The following CYP27A1 variants were observed in gnomAD, a reference collection of about 807,000 sequenced individuals.
CYP27A1 encodes the protein sterol 26-hydroxylase, mitochondrial.
In CYP27A1, 46 loss-of-function variants were observed where a neutral mutation model predicts 58.2. The observed-to-expected ratio is 0.79, with a 90% confidence interval of 0.62 to 1.01. CYP27A1 has a LOEUF of 1.01. Ranked by LOEUF, CYP27A1 falls within the 50% of genes least tolerant of loss-of-function variation. CYP27A1 has a pLI of 0.00. For synonymous variants in CYP27A1, 274 were observed against 285.1 expected (o/e 0.96, Z 0.39); for missense variants, 704 against 687.0 (o/e 1.02, Z -0.28).
rs372194079 is a variant in CYP27A1, at chr2:218,814,031, C to T, written c.1028C>T (p.Thr343Met). The T allele has an allele frequency of 6.1e-5, 99 of 1,614,222 alleles. No individual in the cohort carries two copies. In the Admixed American group the frequency reaches 7.5e-4, roughly 12 times the overall value. ...CACTCTATCTTCTAGACATCCAACA[C>T]GCTGACATGGGCCCTGTACCACCTC... ...LMAGVDTTSN[T>M]LTWALYHLSK... The change falls in exon 6 of 9, where the codon ACG (threonine) becomes ATG (methionine). Residue 343 changes from threonine (T) to methionine (M), a missense_variant. Thr to Met is a moderately conservative substitution (Grantham distance 81). Transcript: ENST00000258415.
At chr2:218,794,735 A>G (rs1295422503) in intron 1 of CYP27A1, among the ~76,000 whole-genome samples, 3 of 152,166 alleles carry the variant, frequency 2.0e-5, no homozygotes, top group African/African-American at 7.2e-5. Flanking sequence ...CAGAGCCACA[A>G]TTACCTATCA....
chr2:218,784,030 G>A (rs116703808), intron 1 of CYP27A1, among the ~76,000 whole-genome samples: 1 of 152,120 alleles, frequency 6.6e-6, no homozygotes, highest in South Asian at 2.1e-4. Context: ...GGTGATGAAG[G>A]CTCAGGCGTG....
At chr2:218,803,561 C>G (rs1943620782) in intron 1 of CYP27A1, among the ~76,000 whole-genome samples, 1 of 151,894 alleles carries the variant, frequency 6.6e-6, no homozygotes, top group Non-Finnish European at 1.5e-5. Context: ...GTAGCTGGGA[C>G]TACAGGCACA....
intron 5 of CYP27A1, among the ~76,000 whole-genome samples, chr2:218,813,343 TG>T (rs1478666086): frequency 6.6e-6 from 1 of 152,232 alleles, no homozygotes; most frequent in Non-Finnish European, 1.5e-5. Context: ...CTCTGACAGC[TG>T]GGAAGTACAT....
At position 218,812,280 on chromosome 2, in the gene CYP27A1, G is replaced by C. The variant is rs1404271409; in HGVS notation, c.505G>C (p.Ala169Pro). 1.2e-6 allele frequency: 2 copies of C among 1,614,246 alleles called. No individual in the cohort carries two copies. The highest frequency in any genetic ancestry group is 8.5e-7 in the Non-Finnish European group (1 of 1,180,034). ...TCTGAACCAGCGGTTGCTGAAGCCAGCGGAAGCAGCGCTCTATACGGATGC... is the reference window on the plus strand; with the variant it reads ...TCTGAACCAGCGGTTGCTGAAGCCACCGGAAGCAGCGCTCTATACGGATGC... ...QALNQRLLKP[A>P]EAALYTDAFN... Residue 169 changes from alanine (A) to proline (P), a missense_variant, in exon 3 of 9, where the codon GCG becomes CCG. By Grantham distance (27) the Ala-to-Pro change is conservative. Transcript: ENST00000258415.
chr2:218,812,098 C>A, intron 2 of CYP27A1, 124 bp from the exon 3 acceptor site: 1 of 737,410 alleles, frequency 1.4e-6, no homozygotes, highest in Non-Finnish European at 2.4e-6. Context: ...ATTCTAAATT[C>A]TAGGAGTATG....
chr2:218,792,016 G>A (rs1418164166), intron 1 of CYP27A1, among the ~76,000 whole-genome samples: 1 of 151,930 alleles, frequency 6.6e-6, no homozygotes, highest in African/African-American at 2.4e-5. Context: ...ATATGGGTTT[G>A]ACAAACCAAA....
At chr2:218,802,181 T>TCC (rs1378755051) in intron 1 of CYP27A1, among the ~76,000 whole-genome samples, 1 of 152,060 alleles carries the variant, frequency 6.6e-6, no homozygotes, top group African/African-American at 2.4e-5. Context: ...CCCTAGCCAA[T>TCC]AGGGGAACGA....
At chr2:218,800,001 A>T (rs1406337760) in intron 1 of CYP27A1, among the ~76,000 whole-genome samples, 1 of 152,158 alleles carries the variant, frequency 6.6e-6, no homozygotes, top group Non-Finnish European at 1.5e-5. Context: ...GACGGGGGTA[A>T]GATCTTGCCA....
In CYP27A1 at chr2:218,812,638, G is replaced by C. The variant is rs746666035; in HGVS notation, c.733G>C (p.Gly245Arg). The change falls in exon 4 of 9, where the codon GGG becomes CGG. Residue 245 changes from glycine to arginine, a missense_variant. Transcript: ENST00000258415. ...CACCGTGACCTTCGTCAGATCCATC[G>C]GGTTAATGTTCCAGAACTCACTCTA... is the stretch of plus-strand genomic sequence containing the variant. ...EDTVTFVRSI[G>R]LMFQNSLYAT... The C allele has an allele frequency of 1.2e-6, 2 of 1,614,162 alleles. No individual in the cohort carries two copies. The highest frequency in any genetic ancestry group is 1.7e-6 in the Non-Finnish European group (2 of 1,180,034).
chr2:218,800,525 G>A (rs976716395), intron 1 of CYP27A1, among the ~76,000 whole-genome samples: 10 of 152,144 alleles, frequency 6.6e-5, no homozygotes, highest in South Asian at 2.1e-4. Context: ...TATGAGTTAC[G>A]ATTACATGCT....
chr2:218,813,161 T>TC (rs1435664519), intron 5 of CYP27A1, 65 bp downstream of exon 5: 1 of 1,449,550 alleles, frequency 6.9e-7, no homozygotes, highest in African/African-American at 1.4e-5. Flanking sequence ...TTCCCTATTA[T>TC]CCCTCACCTG....
At position 218,782,151 on chromosome 2, in the gene CYP27A1, G is replaced by T. The variant is rs1462586783; in HGVS notation, c.-32G>T. The T allele has an allele frequency of 1.2e-5, 18 of 1,532,468 alleles. No homozygotes were observed. Among genetic ancestry groups the T allele is most frequent in the South Asian group, 3.6e-5 (3 of 83,666 alleles). 94.9% of individuals were successfully genotyped at this position (1,532,468 alleles called of 1,614,324 possible). A position where few individuals can be genotyped will look rare whatever the true frequency, so the allele number is the denominator to read the frequency against. On this transcript the variant is annotated 5_prime_UTR_variant, in exon 1 of 9. Coordinates refer to ENST00000258415, the MANE Select transcript of CYP27A1 (RefSeq NM_000784.4). The surrounding 1 kb of genome is among the most constrained non-coding windows in gnomAD (Gnocchi z 4.1). ...GGGCGGGTCCGGGGACTCAGCACTC[G>T]ACCCAAAGGTGCAGGCGCGCGAGCA...
chr2:218,812,186 G>A (rs1160236592), intron 2 of CYP27A1, 36 bp from the exon 3 acceptor site: 1 of 1,562,322 alleles, frequency 6.4e-7, no homozygotes, highest in Admixed American at 1.7e-5. Context: ...CCCCCATAGA[G>A]GCTTATCTTT....
At chr2:218,813,985 A>G in intron 5 of CYP27A1, 36 bp from the exon 6 acceptor site, 1 of 1,613,742 alleles carries the variant, frequency 6.2e-7, no homozygotes, top group Non-Finnish European at 8.5e-7. Flanking sequence ...CTTTCCTAGA[A>G]ATCGCCCTCA....
At chr2:218,795,633 C>A (rs539002088) in intron 1 of CYP27A1, among the ~76,000 whole-genome samples, 1 of 152,292 alleles carries the variant, frequency 6.6e-6, no homozygotes, top group African/African-American at 2.4e-5. Flanking sequence ...ATCTGAGCTG[C>A]AGCCAAAGAT....
At chr2:218,792,031 G>T (rs1186794062) in intron 1 of CYP27A1, among the ~76,000 whole-genome samples, 1 of 151,702 alleles carries the variant, frequency 6.6e-6, no homozygotes, top group Non-Finnish European at 1.5e-5. Flanking sequence ...ACCAAATATT[G>T]GTCATAAACT....
chr2:218,805,238 G>A (rs1386953130), intron 1 of CYP27A1, among the ~76,000 whole-genome samples: 2 of 152,178 alleles, frequency 1.3e-5, no homozygotes, highest in African/African-American at 4.8e-5. Context: ...ACGAGCTACT[G>A]TTAACAAGTT....
chr2:218,793,762 T>C (rs980797491), intron 1 of CYP27A1, among the ~76,000 whole-genome samples: 8 of 151,748 alleles, frequency 5.3e-5, no homozygotes, highest in Admixed American at 3.9e-4. Context: ...TCACCCAGGC[T>C]GGAGTGCAGT....
Sources: gnomAD v4.1 joint callset for allele counts (sites outside exome capture counted in the v4.1 genomes callset) on GRCh38, gnomAD v4.1.1 for gene constraint, Gnocchi (gnomAD v3.1) non-coding constraint, MANE v1.5 for transcripts, NCBI Gene and HGNC (gene_info 2026-07-23, HGNC 2026-07-21) for gene names.